Variants in RPS6KA2 observed in about 807,000 individuals in gnomAD.
RPS6KA2 encodes the protein ribosomal protein S6 kinase alpha-2.
RPS6KA2 carries 42 observed loss-of-function variants against 91.8 expected under a neutral mutation model. That is an observed-to-expected ratio of 0.46 (90% CI 0.36 to 0.59). The LOEUF (loss-of-function observed/expected upper bound fraction) is 0.59. Among genes scored for constraint, RPS6KA2 ranks in the 20% least tolerant of loss-of-function variants. RPS6KA2 has a pLI of 0.00. For missense variants in RPS6KA2, 798 were observed against 978.5 expected (o/e 0.82, Z 2.46); for synonymous variants, 414 against 393.6 (o/e 1.05, Z -0.61).
rs1047335349 is a variant in RPS6KA2 at position 166,821,197 on chromosome 6, G to A, written c.123+37003C>T. ...AAAACACATCTAGCAAATTTGAAGT[G>A]TTATTTCGAATTGCTTAGTGGCTTT... On this transcript the variant is annotated intron_variant, in intron 2 of 21. Transcript: ENST00000503859. This position sits in a 1 kb window ranked among gnomAD's most constrained non-coding sequence, Gnocchi z 4.1. Among the ~76,000 whole-genome samples, 3 of 152,310 alleles carry A rather than the reference G, an allele frequency of 2.0e-5. No homozygotes were observed. In the South Asian group the frequency reaches 6.2e-4, roughly 32 times the overall value.
chr6:166,591,220 C>T (rs1436275123), intron 1 of RPS6KA2, among the ~76,000 whole-genome samples: 4 of 152,158 alleles, frequency 2.6e-5, no homozygotes, highest in African/African-American at 7.2e-5. Context: ...CCACGGGAGG[C>T]CCTGGGGGCA....
At chr6:166,615,335 T>A (rs1786365061) in intron 1 of RPS6KA2, among the ~76,000 whole-genome samples, 1 of 152,184 alleles carries the variant, frequency 6.6e-6, no homozygotes, top group South Asian at 2.1e-4. Context: ...CACCGTGGAC[T>A]CCCTGTGCAC....
At chr6:166,812,584 T>C (rs1779667037) in intron 2 of RPS6KA2, among the ~76,000 whole-genome samples, 1 of 152,018 alleles carries the variant, frequency 6.6e-6, no homozygotes. Flanking sequence ...CCACATGGGG[T>C]CTGTGTTGGG....
chr6:166,701,151 C>T, intron 2 of RPS6KA2: 1 of 1,612,084 alleles, frequency 6.2e-7, no homozygotes, highest in South Asian at 1.1e-5. Context: ...GTTGCTGCTG[C>T]TTTACCTGAG....
In RPS6KA2 at chr6:166,817,730, T is replaced by C. The variant is rs570038627; in HGVS notation, c.123+40470A>G. ...CCATCTTTTTTCTTTTTTTCTTTTT[T>C]TTTTTTGTTTGAGATGGAGTCTCGC... On this transcript the variant is annotated intron_variant, in intron 2 of 21. Transcript: ENST00000503859. 2.6e-5 allele frequency among the ~76,000 whole-genome samples: 4 copies of C among 152,024 alleles called. No homozygotes were observed. The South Asian group carries it at 6.2e-4, about 24-fold the overall frequency.
chr6:166,507,264 T>C (rs1782263925), intron 5 of RPS6KA2, among the ~76,000 whole-genome samples: 1 of 152,218 alleles, frequency 6.6e-6, no homozygotes. Context: ...GCGTGACTTA[T>C]GGTCCCAGAG....
chr6:166,782,771 G>A (rs867725854), intron 2 of RPS6KA2, among the ~76,000 whole-genome samples: 4 of 152,198 alleles, frequency 2.6e-5, no homozygotes, highest in Non-Finnish European at 5.9e-5. Context: ...CAGCCCGGAT[G>A]CAACAGAAGC....
At chr6:166,565,321 G>A (rs1784461560) in intron 1 of RPS6KA2, among the ~76,000 whole-genome samples, 1 of 152,224 alleles carries the variant, frequency 6.6e-6, no homozygotes, top group Admixed American at 6.5e-5. Flanking sequence ...CTTTAACGAA[G>A]CCCTGAGCTT....
intron 2 of RPS6KA2, among the ~76,000 whole-genome samples, chr6:166,827,256 CAAAAAAAAAAAAAAAA>C (rs56296433): frequency 6.1e-4 from 58 of 94,484 alleles, no homozygotes; most frequent in African/African-American, 1.3e-3. Context: ...CAACCTTATA[CAAAAAAAAAAAAAAAA>C]AAAAAAAAAA....
chr6:166,449,866 CCACCACGCGGACCACCAT>C (rs1562500873), intron 13 of RPS6KA2, among the ~76,000 whole-genome samples: 14 of 69,198 alleles, frequency 2.0e-4, no homozygotes, highest in African/African-American at 5.6e-4. Flanking sequence ...ACCATGGGAA[CCACCACGCGGACCACCAT>C]GGGACAACCA....
intron 2 of RPS6KA2, among the ~76,000 whole-genome samples, chr6:166,775,910 G>C (rs1370388041): frequency 1.3e-5 from 2 of 152,100 alleles, no homozygotes; most frequent in Non-Finnish European, 1.5e-5. Context: ...CCTCGCGATG[G>C]AGGAACCACT....
chr6:166,414,038 T>A (rs1305734201), intron 19 of RPS6KA2, 107 bp from the exon 20 acceptor site: 1 of 991,528 alleles, frequency 1.0e-6, no homozygotes, highest in African/African-American at 1.6e-5. Context: ...ACCCAACCAC[T>A]ATGCTGAGTG....
chr6:166,831,921 C>T (rs1238659205), intron 2 of RPS6KA2, among the ~76,000 whole-genome samples: 4 of 146,570 alleles, frequency 2.7e-5, no homozygotes, highest in Non-Finnish European at 6.1e-5. Context: ...GATAGATAGA[C>T]AGATGATAGA....
chr6:166,843,308 C>T (rs149382586), intron 2 of RPS6KA2, among the ~76,000 whole-genome samples: 40 of 152,288 alleles, frequency 2.6e-4, no homozygotes, highest in East Asian at 7.7e-4. Context: ...TAGCCAAAGA[C>T]GAAGGACATA....
chr6:166,742,134 A>C (rs1790834826), intron 2 of RPS6KA2, among the ~76,000 whole-genome samples: 1 of 152,176 alleles, frequency 6.6e-6, no homozygotes, highest in African/African-American at 2.4e-5. Flanking sequence ...CTCCATCTCA[A>C]AAACAAAAAA....
rs544113289 is a variant in RPS6KA2 at position 166,533,744 on chromosome 6, G to A, written c.217-2431C>T. ...CAGATGAATCTATCCATTCCATTGC[G>A]GCGAAGCTGACATGTTAGCTCCCAA... On this transcript the variant is annotated intron_variant, in intron 2 of 20. Coordinates refer to ENST00000265678, the MANE Select transcript of RPS6KA2 (RefSeq NM_021135.6). The surrounding 1 kb of genome is among the most constrained non-coding windows in gnomAD (Gnocchi z 4.0). 4.6e-5 allele frequency among the ~76,000 whole-genome samples: 7 copies of A among 152,208 alleles called. No individual in the cohort carries two copies. In the South Asian group the frequency reaches 6.2e-4, roughly 14 times the overall value.
chr6:166,728,682 G>A (rs149013794), intron 2 of RPS6KA2, among the ~76,000 whole-genome samples: 222 of 152,222 alleles, frequency 1.5e-3, no homozygotes, highest in African/African-American at 5.0e-3. Context: ...TAGAATCTGT[G>A]GAATGTAGGA....
rs527448873 is a variant in RPS6KA2, at chr6:166,648,015, T to TAC, written c.124-109233_124-109232dup. Among the ~76,000 whole-genome samples, 2 of 106,978 alleles carry TAC rather than the reference T, an allele frequency of 1.9e-5. No homozygotes were observed. The highest frequency in any genetic ancestry group is 8.3e-5 in the African/African-American group (2 of 24,126). The allele number at this position is 106,978 out of a possible 152,430, so 70.2% of individuals were successfully genotyped here. ...GCACATGCTCACACACGCACATGCTTACACACATACATACACACATGCTCT... is the reference window on the plus strand; with the variant it reads ...GCACATGCTCACACACGCACATGCTTACACACACATACATACACACATGCTCT... On this transcript the variant is annotated intron_variant, in intron 2 of 21. Coordinates refer to the RPS6KA2 transcript ENST00000503859. This position sits in a 1 kb window ranked among gnomAD's most constrained non-coding sequence, Gnocchi z 4.8.
chr6:166,641,719 C>CAAAAAAAA lies in RPS6KA2; in HGVS notation c.124-102943_124-102936dup, dbSNP rs71032871. On this transcript the variant is annotated intron_variant, in intron 2 of 21. Transcript: ENST00000503859. ...TGGGTAAAAGAGTGAGACTCTGTCA[C>CAAAAAAAA]AAAAAAAAAAAAAAAAAAAAAAAAA... Among the ~76,000 whole-genome samples, 34 of 28,534 alleles carry CAAAAAAAA rather than the reference C, an allele frequency of 1.2e-3. 1 individual carries two copies. The highest frequency in any genetic ancestry group is 1.5e-3 in the Non-Finnish European group (19 of 12,968). The allele number at this position is 28,534 out of a possible 152,430, so 18.7% of individuals were successfully genotyped here. A position where few individuals can be genotyped will look rare whatever the true frequency, so the allele number is the denominator to read the frequency against.
Sources: allele counts gnomAD v4.1 joint callset (sites outside exome capture counted in the v4.1 genomes callset), GRCh38; gene constraint gnomAD v4.1.1; non-coding constraint Gnocchi (gnomAD v3.1); transcripts MANE v1.5; gene names NCBI Gene and HGNC (gene_info 2026-07-23, HGNC 2026-07-21).